The following PTCHD4 variants were observed in gnomAD, a reference collection of about 807,000 sequenced individuals.
PTCHD4 encodes patched domain containing 4.
Under a neutral mutation model 58.1 loss-of-function variants are expected in PTCHD4, and 33 were observed. The observed-to-expected ratio is 0.57, with a 90% confidence interval of 0.43 to 0.76. The LOEUF (loss-of-function observed/expected upper bound fraction) is 0.76, where lower values mean the gene tolerates loss of function less well. Ranked by LOEUF, PTCHD4 falls within the 30% of genes least tolerant of loss-of-function variation. The pLI, the probability that PTCHD4 is intolerant of heterozygous loss-of-function variation, is 0.00. For synonymous variants in PTCHD4, 478 were observed against 409.6 expected (o/e 1.17, Z -2.02); for missense variants, 1,058 against 1,027.1 (o/e 1.03, Z -0.41).
chr6:47,900,950 C>G (rs1220145883), intron 4 of PTCHD4: 1 of 151,684 alleles, frequency 6.6e-6, no homozygotes, highest in Non-Finnish European at 1.5e-5. Context: ...GTCAGGAGAT[C>G]GAGACCATCC....
At chr6:48,061,803 C>T (rs1764635155) in intron 3 of PTCHD4, among the ~76,000 whole-genome samples, 1 of 152,118 alleles carries the variant, frequency 6.6e-6, no homozygotes, top group African/African-American at 2.4e-5. Context: ...TGTAAATGTA[C>T]CCTTGTCCAC....
intron 4 of PTCHD4, among the ~76,000 whole-genome samples, chr6:47,964,596 T>C (rs1477780896): frequency 6.6e-6 from 1 of 152,180 alleles, no homozygotes; most frequent in Non-Finnish European, 1.5e-5. Context: ...TATTTTTTCC[T>C]TTTAGAAAAA....
chr6:47,943,976 C>T (rs1442174024), intron 4 of PTCHD4, among the ~76,000 whole-genome samples: 1 of 152,026 alleles, frequency 6.6e-6, no homozygotes, highest in Non-Finnish European at 1.5e-5. Context: ...AAACCTCCAT[C>T]TCCAGAAATG....
chr6:47,899,654 T>C (rs750766967), intron 4 of PTCHD4: 16 of 691,984 alleles, frequency 2.3e-5, no homozygotes, highest in Non-Finnish European at 2.7e-5. Context: ...AAGCAATTCA[T>C]TGATTAAAAG....
At chr6:47,952,282 A>G (rs1239613014) in intron 4 of PTCHD4, among the ~76,000 whole-genome samples, 4 of 152,114 alleles carry the variant, frequency 2.6e-5, no homozygotes, top group Non-Finnish European at 5.9e-5. Flanking sequence ...GTGCTGCTGC[A>G]ATATTTTCTT....
At position 48,000,984 on chromosome 6, in the gene PTCHD4, A is replaced by T. The variant is rs112336871; in HGVS notation, c.898+7650T>A. ...CAACAGACAAACAGAGAGCCAAATC[A>T]TGAGTGAACTCCCATTCACAATTGC... On this transcript the variant is annotated intron_variant, in intron 4 of 4. Transcript: ENST00000339488. Among the ~76,000 whole-genome samples the T allele has an allele frequency of 7.3e-3, 1,112 of 152,350 alleles. 10 individuals are homozygous for T. The highest frequency in any genetic ancestry group is 0.026 in the African/African-American group (1,065 of 41,580).
chr6:47,879,527 G>A lies in PTCHD4; in HGVS notation c.1308C>T (p.Asn436=). 1 of 1,613,784 alleles carries A rather than the reference G, an allele frequency of 6.2e-7. No individual in the cohort carries two copies. The highest frequency in any genetic ancestry group is 8.5e-7 in the Non-Finnish European group (1 of 1,179,786). Residue 436 remains asparagine, a synonymous_variant, in exon 5 of 5, where the codon AAC becomes AAT. Transcript: ENST00000339488. ...GHQQTSHHET[N]PYQHHFIQHF... is the part of the protein sequence containing the mutation. Reference sequence around the variant, plus strand: ...GCTGAATGAAGTGGTGCTGGTAGGGGTTCGTCTCATGATGGGACGTCTGTT... The same window carrying A: ...GCTGAATGAAGTGGTGCTGGTAGGGATTCGTCTCATGATGGGACGTCTGTT...
intron 4 of PTCHD4, among the ~76,000 whole-genome samples, chr6:47,894,595 A>G (rs1764476937): frequency 6.6e-6 from 1 of 152,262 alleles, no homozygotes; most frequent in Admixed American, 6.5e-5. Flanking sequence ...CATTCAATAA[A>G]TGTTAGCCAT....
At chr6:47,937,093 T>A (rs1766028895) in intron 4 of PTCHD4, among the ~76,000 whole-genome samples, 1 of 152,208 alleles carries the variant, frequency 6.6e-6, no homozygotes. Context: ...TGGAGTCAGA[T>A]CATGTAACCC....
chr6:48,077,418 C>A (rs2113890008), intron 1 of PTCHD4, among the ~76,000 whole-genome samples: 1 of 152,326 alleles, frequency 6.6e-6, no homozygotes, highest in African/African-American at 2.4e-5. Flanking sequence ...CATTCATTAT[C>A]TTAGGTAGAT....
rs534196465 is a variant in PTCHD4, at chr6:48,080,254, TA to T, written c.-969-10329del. 2.6e-4 allele frequency among the ~76,000 whole-genome samples: 39 copies of T among 151,954 alleles called. 1 individual carries two copies. In the Middle Eastern group the frequency reaches 0.017, roughly 66 times the overall value. ...CTTGGCAAATATTCAGCCTTTTAGC[TA>T]AAAAAAAGCAATGTAAACAAAATGA... On this transcript the variant is annotated intron_variant, in intron 1 of 4. Coordinates refer to ENST00000339488, the MANE Select transcript of PTCHD4 (RefSeq NM_001384253.1).
chr6:47,988,142 A>G lies in PTCHD4; in HGVS notation c.898+20492T>C, dbSNP rs182817425. On this transcript the variant is annotated intron_variant, in intron 4 of 4. Transcript: ENST00000339488. ...AGCAGAGGAGGAAAAGAAATATTAAAAGAAAAAAATAAGACATTGTATTAT... is the reference window on the plus strand; with the variant it reads ...AGCAGAGGAGGAAAAGAAATATTAAGAGAAAAAAATAAGACATTGTATTAT... Among the ~76,000 whole-genome samples, 152 of 152,290 alleles carry G rather than the reference A, an allele frequency of 1.0e-3. 3 individuals are homozygous for G. The highest frequency in any genetic ancestry group is 6.3e-4 in the Non-Finnish European group (43 of 68,018).
At chr6:48,110,669 A>G (rs1204250737) in intron 1 of PTCHD4, among the ~76,000 whole-genome samples, 1 of 151,152 alleles carries the variant, frequency 6.6e-6, no homozygotes, top group Non-Finnish European at 1.5e-5. Context: ...ACATACACAC[A>G]CAAGGTAACT....
intron 3 of PTCHD4, among the ~76,000 whole-genome samples, chr6:48,050,695 A>G (rs551966158): frequency 2.1e-4 from 32 of 152,110 alleles, no homozygotes; most frequent in African/African-American, 7.5e-4. Flanking sequence ...CCACCATTAC[A>G]TGGTGGAACT....
At chr6:47,932,366 A>G (rs114989894) in intron 4 of PTCHD4, among the ~76,000 whole-genome samples, 26 of 152,318 alleles carry the variant, frequency 1.7e-4, no homozygotes, top group Admixed American at 3.9e-4. Flanking sequence ...GTTTGTCAAG[A>G]GCAAAGATGG....
At position 48,009,106 on chromosome 6, in the gene PTCHD4, C is replaced by G; in HGVS notation, c.426G>C (p.Arg142Ser). ...CCAGTTGGTGTCCAATAAAACTGTT[C>G]CTCCCATCCTTGAAAACAGAAAAAG... ...HRAVLEMKDG[R>S]NSFIGHQLGG... The change falls in exon 4 of 5, where the codon AGG becomes AGC. Residue 142 changes from arginine (R) to serine (S), a missense_variant. Transcript: ENST00000339488. The G allele has an allele frequency of 6.3e-7, 1 of 1,599,882 alleles. No homozygotes were observed. The highest frequency in any genetic ancestry group is 1.1e-5 in the South Asian group (1 of 89,452).
intron 4 of PTCHD4, among the ~76,000 whole-genome samples, chr6:47,998,508 G>C (rs906176658): frequency 3.9e-5 from 6 of 152,154 alleles, no homozygotes; most frequent in Non-Finnish European, 5.9e-5. Context: ...TTATGTAACA[G>C]TACTCTTTCT....
chr6:48,107,582 A>C (rs2113919705), intron 1 of PTCHD4, among the ~76,000 whole-genome samples: 1 of 152,168 alleles, frequency 6.6e-6, no homozygotes, highest in Non-Finnish European at 1.5e-5. Flanking sequence ...ATGGCAACAA[A>C]AGCCAAAATT....
intron 4 of PTCHD4, among the ~76,000 whole-genome samples, chr6:47,953,529 A>G (rs1301087684): frequency 6.6e-6 from 1 of 152,188 alleles, no homozygotes; most frequent in Non-Finnish European, 1.5e-5. Flanking sequence ...TAGTATGAAC[A>G]TAAGATGATA....
Sources: gnomAD v4.1 joint callset for allele counts (sites outside exome capture counted in the v4.1 genomes callset) on GRCh38, gnomAD v4.1.1 for gene constraint, MANE v1.5 for transcripts, NCBI Gene and HGNC (gene_info 2026-07-23, HGNC 2026-07-21) for gene names.